The following CCDC33 variants were observed in gnomAD, a reference collection of about 807,000 sequenced individuals.
The protein encoded by CCDC33 is coiled-coil domain-containing protein 33.
Under a neutral mutation model 91.9 loss-of-function variants are expected in CCDC33, and 94 were observed. The observed-to-expected ratio is 1.02, with a 90% CI of 0.87 to 1.21. CCDC33 has a LOEUF of 1.21. Ranked by LOEUF, CCDC33 falls within the 50% of genes most tolerant of loss-of-function variation. The pLI is 0.00. For synonymous variants in CCDC33, 396 were observed against 374.5 expected, an observed-to-expected ratio of 1.06 and a Z score of -0.66; for missense variants, 940 against 935.5, an observed-to-expected ratio of 1.00 and a Z score of -0.06.
chr15:74,230,425 G>C lies in CCDC33; in HGVS notation c.675+11564G>C, dbSNP rs559749920. Among the ~76,000 whole-genome samples, 139 of 152,220 alleles carry C rather than the reference G, an allele frequency of 9.1e-4. 1 individual carries two copies. Among genetic ancestry groups the C allele is most frequent in the Non-Finnish European group, 1.8e-3 (121 of 68,006 alleles). On this transcript the variant is annotated intron_variant, in intron 2 of 2. Coordinates refer to the CCDC33 transcript ENST00000635913. Reference sequence around the variant, plus strand: ...TGCTCACTCCTTTATTCAGTCCCTTGTTACACGAGTTATTGATTTTTCAAA... The same window carrying C: ...TGCTCACTCCTTTATTCAGTCCCTTCTTACACGAGTTATTGATTTTTCAAA...
chr15:74,254,744 CTTTT>C (rs756927130), intron 2 of CCDC33, among the ~76,000 whole-genome samples: 29 of 126,404 alleles, frequency 2.3e-4, no homozygotes, highest in African/African-American at 8.5e-4. Context: ...TACCCTCCTT[CTTTT>C]TTTTTTTTTT....
chr15:74,224,689 AT>A (rs2074731044), intron 2 of CCDC33, among the ~76,000 whole-genome samples: 1 of 152,182 alleles, frequency 6.6e-6, no homozygotes, highest in African/African-American at 2.4e-5. Flanking sequence ...CGTCTGTAAA[AT>A]GGGAGAGAGC....
intron 1 of CCDC33, among the ~76,000 whole-genome samples, chr15:74,203,503 C>T (rs1405174689): frequency 6.6e-6 from 1 of 152,236 alleles, no homozygotes; most frequent in Non-Finnish European, 1.5e-5. Context: ...GAGGTTTAGG[C>T]CCCTAAAACT....
At chr15:74,225,949 C>T (rs929121620) in intron 2 of CCDC33, among the ~76,000 whole-genome samples, 88 of 152,276 alleles carry the variant, frequency 5.8e-4, no homozygotes, top group African/African-American at 2.0e-3. Context: ...AGGTACCAGG[C>T]CCCGTCCCAG....
intron 7 of CCDC33, among the ~76,000 whole-genome samples, chr15:74,277,798 C>T (rs1273133037): frequency 2.0e-5 from 3 of 152,322 alleles, no homozygotes; most frequent in East Asian, 1.9e-4. Context: ...GGGCCGGCAG[C>T]CACTCACCAC....
chr15:74,336,268 C>A, downstream of CCDC33: 3 of 1,417,582 alleles, frequency 2.1e-6, no homozygotes, highest in Non-Finnish European at 2.8e-6. Flanking sequence ...CAGGAGCCAG[C>A]ATCTTTGGAA....
intron 2 of CCDC33, among the ~76,000 whole-genome samples, chr15:74,223,029 T>A (rs1486117163): frequency 6.6e-6 from 1 of 151,936 alleles, no homozygotes; most frequent in African/African-American, 2.4e-5. Flanking sequence ...AGGCACATGA[T>A]GTGGATTTCA....
intron 10 of CCDC33, among the ~76,000 whole-genome samples, chr15:74,288,094 G>T (rs2059514094): frequency 6.6e-6 from 1 of 152,172 alleles, no homozygotes; most frequent in South Asian, 2.1e-4. Context: ...CACACACAGA[G>T]TTTGACAGAC....
chr15:74,251,841 T>A (rs749344497), intron 2 of CCDC33, among the ~76,000 whole-genome samples: 1 of 152,102 alleles, frequency 6.6e-6, no homozygotes, highest in Non-Finnish European at 1.5e-5. Flanking sequence ...ATGTTAAAAG[T>A]AGGACAATTG....
intron 11 of CCDC33, among the ~76,000 whole-genome samples, chr15:74,320,454 C>T (rs1374570554): frequency 6.6e-6 from 1 of 152,020 alleles, no homozygotes; most frequent in East Asian, 1.9e-4. Context: ...CCATGTCCCA[C>T]ACAAGGCCTG....
chr15:74,301,618 G>A (rs938548010), intron 11 of CCDC33: 1 of 152,300 alleles, frequency 6.6e-6, no homozygotes, highest in African/African-American at 2.4e-5. Flanking sequence ...CACACCTAGT[G>A]AGCCCTTAGT....
chr15:74,215,148 C>T (rs755162778), upstream of CCDC33, among the ~76,000 whole-genome samples: 1 of 152,022 alleles, frequency 6.6e-6, no homozygotes, highest in South Asian at 2.1e-4. Flanking sequence ...GGGCTGCTGT[C>T]GGGTGGAGCT....
chr15:74,210,236 G>A (rs2074348338), intron 2 of CCDC33, among the ~76,000 whole-genome samples: 1 of 152,178 alleles, frequency 6.6e-6, no homozygotes, highest in Non-Finnish European at 1.5e-5. Context: ...CATATATATG[G>A]AGACAAAATT....
At position 74,318,771 on chromosome 15, in the gene CCDC33, A is replaced by C. The variant is rs548076821; in HGVS notation, c.1291-11418A>C. On this transcript the variant is annotated intron_variant, in intron 11 of 18. Transcript: ENST00000398814. ...GTAGAGGTGTTCCCAGAGCCTCTTA[A>C]GTGGGAGGCAGGGTGGAGAGGACCA... 16 of 658,924 alleles carry C rather than the reference A, an allele frequency of 2.4e-5. No homozygotes were observed. In the South Asian group the frequency reaches 2.8e-4, roughly 12 times the overall value. The allele number at this position is 658,924 out of a possible 1,614,324, so 40.8% of individuals were successfully genotyped here.
intron 11 of CCDC33, 117 bp downstream of exon 11, chr15:74,296,065 C>T: frequency 1.2e-6 from 1 of 826,568 alleles, no homozygotes; most frequent in Non-Finnish European, 1.9e-6. Flanking sequence ...ACCTCCCTCC[C>T]CTTAGGCACA....
In CCDC33 at chr15:74,218,725, A is replaced by G. The variant is rs2074511794; in HGVS notation, c.539A>G (p.His180Arg). The G allele has an allele frequency of 3.1e-6, 4 of 1,289,736 alleles. No individual in the cohort carries two copies. Among genetic ancestry groups the G allele is most frequent in the Non-Finnish European group, 3.0e-6 (3 of 988,846 alleles). 79.9% of individuals were successfully genotyped at this position (1,289,736 alleles called of 1,614,324 possible). The stretch of plus-strand genomic sequence containing the variant: ...GCTAGCACGGACCCCACAGCCCGAC[A>G]CTGTGGGAGCCTGGCCTACAGTGTG... The change falls in exon 2 of 3, where the codon CAC (histidine) becomes CGC (arginine). Residue 180 changes from histidine (H) to arginine (R), a missense_variant. Physicochemically the swap from His to Arg is conservative, Grantham distance 29 (BLOSUM62 0). Coordinates refer to the CCDC33 transcript ENST00000635913. This position sits in a 1 kb window ranked among gnomAD's most constrained non-coding sequence, Gnocchi z 4.8.
chr15:74,266,705 G>A lies in CCDC33; in HGVS notation c.347G>A (p.Arg116Lys), dbSNP rs942069001. Residue 116 changes from arginine to lysine, a missense_variant, in exon 4 of 19, where the codon AGA (arginine) becomes AAA (lysine). Physicochemically the swap from Arg to Lys is conservative, Grantham distance 26. Transcript: ENST00000398814. Reference sequence around the variant, plus strand: ...GTGATCCTCAAGGTGGTGGACAACAGAAAGAAACAGGAGTTGTTGTCCTAC... The same window carrying A: ...GTGATCCTCAAGGTGGTGGACAACAAAAAGAAACAGGAGTTGTTGTCCTAC... ...EDVILKVVDN[R>K]KKQELLSYKI... The A allele has an allele frequency of 1.9e-6, 3 of 1,613,972 alleles. No homozygotes were observed. The African/African-American group carries it at 4.0e-5, about 22-fold the overall frequency.
chr15:74,290,537 G>C (rs753318527), intron 10 of CCDC33, among the ~76,000 whole-genome samples: 5 of 152,166 alleles, frequency 3.3e-5, no homozygotes, highest in Non-Finnish European at 7.4e-5. Flanking sequence ...TTGGTGCATT[G>C]AATATACAGA....
chr15:74,311,878 G>C (rs1172213313), intron 11 of CCDC33: 2 of 152,232 alleles, frequency 1.3e-5, no homozygotes, highest in African/African-American at 4.8e-5. Flanking sequence ...AGTGGTCAGA[G>C]AGTGGTGTTG....
Sources: gnomAD v4.1 joint callset for allele counts (sites outside exome capture counted in the v4.1 genomes callset) on GRCh38, gnomAD v4.1.1 for gene constraint, Gnocchi (gnomAD v3.1) non-coding constraint, MANE v1.5 for transcripts, NCBI Gene and HGNC (gene_info 2026-07-23, HGNC 2026-07-21) for gene names.